Variants in DNM1L observed in about 807,000 individuals in gnomAD.
DNM1L encodes dynamin-1-like protein.
A neutral mutation model predicts 92.8 loss-of-function variants in DNM1L; 33 were observed. That is an observed-to-expected ratio of 0.36 (90% CI 0.27 to 0.48). The LOEUF (loss-of-function observed/expected upper bound fraction) is 0.48, where lower values mean the gene tolerates loss of function less well. Among genes scored for constraint, DNM1L ranks in the 20% least tolerant of loss-of-function variants. The pLI, the probability that DNM1L is intolerant of heterozygous loss-of-function variation, is 0.99. For synonymous variants in DNM1L, 284 were observed against 305.0 expected (o/e 0.93, Z 0.72); for missense variants, 485 against 888.8 (o/e 0.55, Z 5.78).
At chr12:32,713,516 A>G (rs2137374393) in intron 6 of DNM1L, 145 bp downstream of exon 6, 1 of 986,560 alleles carries the variant, frequency 1.0e-6, no homozygotes, top group East Asian at 2.6e-5. Flanking sequence ...TGTTTATAAA[A>G]ATAGAAATTC....
chr12:32,681,104 G>A (rs978472335), intron 1 of DNM1L, among the ~76,000 whole-genome samples: 1 of 152,158 alleles, frequency 6.6e-6, no homozygotes, highest in African/African-American at 2.4e-5. Flanking sequence ...GGAGAGAAAA[G>A]TAAAGATCCC....
chr12:32,741,340 C>T (rs1229533529), intron 18 of DNM1L, among the ~76,000 whole-genome samples: 1 of 152,204 alleles, frequency 6.6e-6, no homozygotes, highest in Admixed American at 6.5e-5. Flanking sequence ...GGCTGGGGTG[C>T]AGTGGCGCAG....
At chr12:32,684,226 T>G (rs1951909157) in intron 1 of DNM1L, among the ~76,000 whole-genome samples, 1 of 152,228 alleles carries the variant, frequency 6.6e-6, no homozygotes, top group Non-Finnish European at 1.5e-5. Context: ...GTTTTGATTT[T>G]ATAAGCCCCA....
intron 19 of DNM1L, 126 bp from the exon 20 acceptor site, chr12:32,743,228 A>AGG: frequency 1.2e-6 from 1 of 808,122 alleles, no homozygotes; most frequent in Non-Finnish European, 2.0e-6. Context: ...CAGAGAAGAT[A>AGG]TTGGTTAGTA....
At chr12:32,683,300 C>G (rs1312446599) in intron 1 of DNM1L, among the ~76,000 whole-genome samples, 4 of 151,396 alleles carry the variant, frequency 2.6e-5, no homozygotes, top group Non-Finnish European at 5.9e-5. Context: ...CCATAGCTCA[C>G]TGTAACCTCA....
At position 32,743,464 on chromosome 12, in the gene DNM1L, C is replaced by A; in HGVS notation, c.*54C>A. 6.5e-7 allele frequency: 1 copy of A among 1,532,968 alleles called. No individual in the cohort carries two copies. Among genetic ancestry groups the A allele is most frequent in the Non-Finnish European group, 9.0e-7 (1 of 1,107,542 alleles). 95.0% of individuals were successfully genotyped at this position (1,532,968 alleles called of 1,614,324 possible). A position where few individuals can be genotyped will look rare whatever the true frequency, so the allele number is the denominator to read the frequency against. On this transcript the variant is annotated 3_prime_UTR_variant, in exon 20 of 20. Coordinates refer to ENST00000549701, the MANE Select transcript of DNM1L (RefSeq NM_012062.5). ...TGACTCAAAACTTGCTAGTTACTGC[C>A]TACCTGAGTAGAATCTTATTTATGA...
At chr12:32,725,762 T>C (rs1018942081) in intron 9 of DNM1L, 1 of 152,418 alleles carries the variant, frequency 6.6e-6, no homozygotes, top group African/African-American at 2.4e-5. Flanking sequence ...CCCGCCATCA[T>C]GCCTGGCTAA....
chr12:32,735,820 T>C (rs1954830690), intron 13 of DNM1L, among the ~76,000 whole-genome samples: 2 of 151,960 alleles, frequency 1.3e-5, no homozygotes, highest in African/African-American at 2.4e-5. Context: ...GAGGTTGCAG[T>C]GAGCCAAGAT....
chr12:32,711,012 C>A lies in DNM1L; in HGVS notation c.453C>A (p.Thr151=). The change falls in exon 5 of 20, where the codon ACC becomes ACA. Residue 151 remains threonine, a synonymous_variant. Coordinates refer to ENST00000549701, the MANE Select transcript of DNM1L (RefSeq NM_012062.5). ...NLTLVDLPGM[T]KVPVGDQPKD... ...CACTTGTGGATTTGCCAGGAATGAC[C>A]AAGGTAAGGAAGGAATAGTTGTAGA... 1.2e-6 allele frequency: 2 copies of A among 1,613,440 alleles called. No individual in the cohort carries two copies. The highest frequency in any genetic ancestry group is 1.7e-6 in the Non-Finnish European group (2 of 1,179,504).
intron 13 of DNM1L, among the ~76,000 whole-genome samples, chr12:32,735,084 A>G (rs1253650835): frequency 6.6e-6 from 1 of 152,184 alleles, no homozygotes; most frequent in Non-Finnish European, 1.5e-5. Context: ...TTTACATTGA[A>G]ACTAACATCA....
At chr12:32,729,628 G>T (rs12320877) in intron 9 of DNM1L, among the ~76,000 whole-genome samples, 28,240 of 151,194 alleles carry the variant, frequency 0.19, 3,115 homozygotes, top group African/African-American at 0.32. Flanking sequence ...TTTTGTATTT[G>T]TTTGCATTTT....
chr12:32,713,466 G>GT, intron 6 of DNM1L, 95 bp downstream of exon 6: 1 of 1,292,818 alleles, frequency 7.7e-7, no homozygotes, highest in Non-Finnish European at 1.1e-6. Flanking sequence ...AGTATCTCTG[G>GT]TTTTGAATAC....
chr12:32,723,769 A>G (rs1027017132), intron 9 of DNM1L, among the ~76,000 whole-genome samples: 3 of 147,484 alleles, frequency 2.0e-5, no homozygotes, highest in African/African-American at 7.6e-5. Flanking sequence ...AACTACGGCT[A>G]CCAAAACAAA....
chr12:32,732,352 T>C (rs1954609321), intron 12 of DNM1L, among the ~76,000 whole-genome samples: 1 of 152,184 alleles, frequency 6.6e-6, no homozygotes, highest in Non-Finnish European at 1.5e-5. Flanking sequence ...CTTCTGCAGT[T>C]TGCTTGTTAT....
Position 32,731,779 on chromosome 12 carries a change from G to T in DNM1L, c.1357-75G>T. On this transcript the variant is annotated intron_variant, in intron 11 of 19. Coordinates refer to ENST00000549701, the MANE Select transcript of DNM1L (RefSeq NM_012062.5). The surrounding 1 kb of genome is among the most constrained non-coding windows in gnomAD (Gnocchi z 5.1). The stretch of plus-strand genomic sequence containing the variant: ...AGCTACTTGGGAGGCTAAGGTGGGA[G>T]GATGGCTTAGTGAGACTATGACTTA... 1 of 1,270,852 alleles carries T rather than the reference G, an allele frequency of 7.9e-7. No individual in the cohort carries two copies. Among genetic ancestry groups the T allele is most frequent in the Non-Finnish European group, 1.1e-6 (1 of 876,220 alleles). The allele number at this position is 1,270,852 out of a possible 1,614,324, so 78.7% of individuals were successfully genotyped here.
chr12:32,705,000 G>GTTT lies in DNM1L; in HGVS notation c.251-2346_251-2344dup, dbSNP rs35375744. ...TAGGTTATCAGATATCTCAGGCAAA[G>GTTT]TTTTTTTTTTTTTTTTTTTTTTTAA... On this transcript the variant is annotated intron_variant, in intron 2 of 19. Coordinates refer to ENST00000549701, the MANE Select transcript of DNM1L (RefSeq NM_012062.5). 5.0e-4 allele frequency among the ~76,000 whole-genome samples: 60 copies of GTTT among 118,870 alleles called. 1 individual carries two copies. The highest frequency in any genetic ancestry group is 1.5e-3 in the African/African-American group (48 of 31,456). The allele number at this position is 118,870 out of a possible 152,430, so 78.0% of individuals were successfully genotyped here. A position where few individuals can be genotyped will look rare whatever the true frequency, so the allele number is the denominator to read the frequency against.
At position 32,740,394 on chromosome 12, in the gene DNM1L, C is replaced by G; in HGVS notation, c.1885-15C>G. ...GTCACAAAAGTAATATTTTTTCCCC[C>G]TCATCCCTATTTAGCCAGTTCCTGT... is the stretch of plus-strand genomic sequence containing the variant. On this transcript the variant is annotated splice_polypyrimidine_tract_variant and intron_variant, in intron 17 of 19. Transcript: ENST00000549701. 4 of 1,612,564 alleles carry G rather than the reference C, an allele frequency of 2.5e-6. No homozygotes were observed. Among genetic ancestry groups the G allele is most frequent in the Non-Finnish European group, 3.4e-6 (4 of 1,178,954 alleles).
Position 32,740,237 on chromosome 12 carries a change from T to G in DNM1L, c.1881T>G (p.Asp627Glu). ...AAGGTCATGCCGTGAACCTGCTAGA[T>G]GTGGTAAGCCATGACAATTTGGTTT... is the stretch of plus-strand genomic sequence containing the variant. ...PQKGHAVNLL[D>E]VPVPVARKLS... Residue 627 changes from aspartate to glutamate, a missense_variant, in exon 17 of 20, where the codon GAT (aspartate) becomes GAG (glutamate). By Grantham distance (45) the Asp-to-Glu change is conservative. Transcript: ENST00000549701. The G allele has an allele frequency of 6.2e-7, 1 of 1,614,192 alleles. No individual in the cohort carries two copies. Among genetic ancestry groups the G allele is most frequent in the Non-Finnish European group, 8.5e-7 (1 of 1,180,026 alleles).
intron 5 of DNM1L, 125 bp from the exon 6 acceptor site, chr12:32,713,084 A>C (rs1953202859): frequency 1.1e-6 from 1 of 878,856 alleles, no homozygotes; most frequent in African/African-American, 1.7e-5. Flanking sequence ...GTATATTAGT[A>C]ATGTCTTTAT....
Sources: allele counts gnomAD v4.1 joint callset (sites outside exome capture counted in the v4.1 genomes callset), GRCh38; gene constraint gnomAD v4.1.1; non-coding constraint Gnocchi (gnomAD v3.1); transcripts MANE v1.5; gene names NCBI Gene and HGNC (gene_info 2026-07-23, HGNC 2026-07-21).